PDE1C: variants seen among roughly 807,000 people sequenced by gnomAD.
PDE1C encodes phosphodiesterase 1C.
Under a neutral mutation model 93.1 loss-of-function variants are expected in PDE1C, and 62 were observed. That is an observed-to-expected ratio of 0.67 (90% CI 0.54 to 0.82). The LOEUF (loss-of-function observed/expected upper bound fraction) is 0.82. Among genes scored for constraint, PDE1C ranks in the 40% least tolerant of loss-of-function variants. The pLI is 0.00. For missense variants in PDE1C, 742 were observed against 884.6 expected (o/e 0.84, Z 2.04); for synonymous variants, 325 against 310.1 (o/e 1.05, Z -0.50).
At chr7:31,896,034 C>A (rs375630643) in intron 2 of PDE1C, among the ~76,000 whole-genome samples, 7 of 152,160 alleles carry the variant, frequency 4.6e-5, no homozygotes, top group Admixed American at 1.3e-4. Context: ...CACACAAACA[C>A]ACACACAAAC....
At chr7:31,648,727 G>C in the PDE1C span, among the ~76,000 whole-genome samples, 2 of 152,156 alleles carry the variant, frequency 1.3e-5, no homozygotes, top group Non-Finnish European at 2.9e-5. Flanking sequence ...GAACCAGTTG[G>C]GAAGTCTTGG....
At chr7:32,374,052 AG>A (rs1370476011) in intron 1 of PDE1C, among the ~76,000 whole-genome samples, 3 of 126,806 alleles carry the variant, frequency 2.4e-5, no homozygotes, top group Non-Finnish European at 3.2e-5. Flanking sequence ...AAATAAAGAA[AG>A]GGAGGTAGGC....
At chr7:31,944,692 A>G (rs552448265) in intron 2 of PDE1C, among the ~76,000 whole-genome samples, 1 of 152,346 alleles carries the variant, frequency 6.6e-6, no homozygotes, top group South Asian at 2.1e-4. Context: ...CTTACTTTGC[A>G]TAAGTTTGAA....
chr7:31,950,001 A>G (rs936036561), intron 2 of PDE1C, among the ~76,000 whole-genome samples: 1 of 152,232 alleles, frequency 6.6e-6, no homozygotes, highest in Non-Finnish European at 1.5e-5. Context: ...ACTTGCAAGT[A>G]TAATTTTTCA....
At chr7:32,345,288 G>C (rs1013184622) in intron 1 of PDE1C, among the ~76,000 whole-genome samples, 1 of 152,174 alleles carries the variant, frequency 6.6e-6, no homozygotes, top group Non-Finnish European at 1.5e-5. Context: ...AGGAAAGCAG[G>C]GAGAGGCTGC....
intron 2 of PDE1C, among the ~76,000 whole-genome samples, chr7:31,950,409 T>G (rs1807204885): frequency 6.6e-6 from 1 of 152,144 alleles, no homozygotes; most frequent in South Asian, 2.1e-4. Context: ...CATCTCGATT[T>G]CAATAAACTG....
intron 2 of PDE1C, among the ~76,000 whole-genome samples, chr7:32,044,750 T>C (rs1301842731): frequency 6.6e-6 from 1 of 151,998 alleles, no homozygotes; most frequent in Non-Finnish European, 1.5e-5. Context: ...CAACAGAAGA[T>C]CATACAAAGG....
At chr7:31,975,543 C>G (rs1465780281) in intron 2 of PDE1C, among the ~76,000 whole-genome samples, 1 of 152,152 alleles carries the variant, frequency 6.6e-6, no homozygotes, top group African/African-American at 2.4e-5. Flanking sequence ...CTCCTTACAG[C>G]AGTCAGAGTG....
chr7:32,248,270 G>A (rs1421339333), intron 1 of PDE1C, among the ~76,000 whole-genome samples: 1 of 152,144 alleles, frequency 6.6e-6, no homozygotes, highest in Non-Finnish European at 1.5e-5. Flanking sequence ...TGCAATGAGA[G>A]AAGTCCTCGA....
At chr7:32,258,109 C>T (rs867870304) in intron 1 of PDE1C, among the ~76,000 whole-genome samples, 5 of 152,186 alleles carry the variant, frequency 3.3e-5, no homozygotes, top group Non-Finnish European at 7.3e-5. Context: ...TGCTTTACTG[C>T]GCTTGGGGCC....
intron 17 of PDE1C, among the ~76,000 whole-genome samples, chr7:31,765,861 T>C (rs186233198): frequency 6.6e-6 from 1 of 152,280 alleles, no homozygotes; most frequent in Non-Finnish European, 1.5e-5. Context: ...GTGAGGACTA[T>C]TTAGAATCAG....
chr7:31,890,476 A>G (rs771890453), intron 2 of PDE1C, among the ~76,000 whole-genome samples: 3 of 152,186 alleles, frequency 2.0e-5, no homozygotes, highest in Non-Finnish European at 2.9e-5. Flanking sequence ...GTCAAGACAC[A>G]TCTTTCCATG....
chr7:31,788,721 T>C (rs757721868), intron 16 of PDE1C: 1 of 152,228 alleles, frequency 6.6e-6, no homozygotes, highest in Non-Finnish European at 1.5e-5. Flanking sequence ...GGTGAGGTCA[T>C]TGTTATGAAC....
At chr7:31,642,975 G>A in the PDE1C span, 76 of 1,614,034 alleles carry the variant, frequency 4.7e-5, no homozygotes, top group Admixed American at 1.2e-4. Flanking sequence ...AATGCCCAAG[G>A]AAAGACAGCC....
At chr7:31,657,110 TATAA>T in the PDE1C span, among the ~76,000 whole-genome samples, 5 of 1,088 alleles carry the variant, frequency 4.6e-3, no homozygotes, top group African/African-American at 0.017. Flanking sequence ...ATAAAATATA[TATAA>T]AATCATATAT....
At chr7:32,340,067 T>C (rs1352322896) in intron 1 of PDE1C, among the ~76,000 whole-genome samples, 1 of 151,938 alleles carries the variant, frequency 6.6e-6, no homozygotes, top group Non-Finnish European at 1.5e-5. Flanking sequence ...AGTAAGGGCA[T>C]GAGAAGAGGG....
intron 2 of PDE1C, among the ~76,000 whole-genome samples, chr7:31,987,770 A>G (rs1783608086): frequency 1.3e-5 from 2 of 152,172 alleles, no homozygotes; most frequent in Non-Finnish European, 2.9e-5. Context: ...ATCCCTCTGA[A>G]TGATATCCAA....
chr7:32,179,501 C>T (rs1174275115), intron 2 of PDE1C, among the ~76,000 whole-genome samples: 2 of 152,046 alleles, frequency 1.3e-5, no homozygotes, highest in Non-Finnish European at 2.9e-5. Context: ...CCTCGTGATC[C>T]GCCTGCCTCG....
At chr7:32,161,254 C>T (rs923864007) in intron 3 of PDE1C, among the ~76,000 whole-genome samples, 1 of 152,100 alleles carries the variant, frequency 6.6e-6, no homozygotes, top group Admixed American at 6.5e-5. Flanking sequence ...CTACCATGGG[C>T]CAGTGGTAGT....
Sources: gnomAD v4.1 joint callset for allele counts (sites outside exome capture counted in the v4.1 genomes callset) on GRCh38, gnomAD v4.1.1 for gene constraint, MANE v1.5 for transcripts, NCBI Gene and HGNC (gene_info 2026-07-23, HGNC 2026-07-21) for gene names.